Variants in MYO16 observed in about 807,000 individuals in gnomAD.
The protein encoded by MYO16 is unconventional myosin-XVI.
Under a neutral mutation model 205.3 loss-of-function variants are expected in MYO16, and 94 were observed. The observed-to-expected ratio is 0.46, with a 90% confidence interval of 0.39 to 0.54. The LOEUF (loss-of-function observed/expected upper bound fraction) is 0.54. Among genes scored for constraint, MYO16 ranks in the 20% least tolerant of loss-of-function variants. MYO16 has a pLI of 0.00. For synonymous variants in MYO16, 988 were observed against 954.0 expected (o/e 1.04, Z -0.66); for missense variants, 2,315 against 2,387.5 (o/e 0.97, Z 0.63).
At chr13:108,859,551 T>C (rs183121461) in intron 11 of MYO16, among the ~76,000 whole-genome samples, 1 of 152,286 alleles carries the variant, frequency 6.6e-6, no homozygotes, top group African/African-American at 2.4e-5. Context: ...TATAACCTTC[T>C]ATTTGGACGT....
chr13:109,187,595 T>G (rs1879738211), intron 34 of MYO16, among the ~76,000 whole-genome samples: 1 of 152,214 alleles, frequency 6.6e-6, no homozygotes, highest in Non-Finnish European at 1.5e-5. Flanking sequence ...GTTCAAAATA[T>G]TTTCTAATTT....
At chr13:108,499,480 G>A in the MYO16 span, among the ~76,000 whole-genome samples, 96 of 152,278 alleles carry the variant, frequency 6.3e-4, 3 homozygotes, top group South Asian at 0.019. Flanking sequence ...AGAACACAGT[G>A]GATGGTCTTT....
At position 109,055,242 on chromosome 13, in the gene MYO16, A is replaced by AAC. The variant is rs1887375876; in HGVS notation, c.3129+118_3129+119dup. ...CTTAAATATCTTCACAAAAAAAGTA[A>AAC]ACATACACACACACACACACACACA... On this transcript the variant is annotated intron_variant, in intron 26 of 34. Coordinates refer to ENST00000457511, the MANE Select transcript of MYO16 (RefSeq NM_001198950.3). This position sits in a 1 kb window ranked among gnomAD's most constrained non-coding sequence, Gnocchi z 5.0. The AAC allele has an allele frequency of 2.3e-6, 2 of 859,462 alleles. No homozygotes were observed. The highest frequency in any genetic ancestry group is 2.6e-5 in the African/African-American group (1 of 39,022). 53.2% of individuals were successfully genotyped at this position (859,462 alleles called of 1,614,324 possible). A position where few individuals can be genotyped will look rare whatever the true frequency, so the allele number is the denominator to read the frequency against.
chr13:108,844,731 T>TAA (rs1394931532), intron 10 of MYO16, among the ~76,000 whole-genome samples: 1 of 152,192 alleles, frequency 6.6e-6, no homozygotes, highest in Non-Finnish European at 1.5e-5. Flanking sequence ...ACCAGGAATA[T>TAA]AAGCTCAGCC....
At chr13:108,722,314 G>A (rs1419062919) in intron 3 of MYO16, among the ~76,000 whole-genome samples, 2 of 152,114 alleles carry the variant, frequency 1.3e-5, no homozygotes, top group East Asian at 3.9e-4. Context: ...ATATTTCCTG[G>A]CTTGAAGAAA....
chr13:108,941,489 C>G (rs973990825), intron 16 of MYO16, among the ~76,000 whole-genome samples: 1 of 151,868 alleles, frequency 6.6e-6, no homozygotes, highest in Non-Finnish European at 1.5e-5. Flanking sequence ...CCAGCCTGGC[C>G]AACATGGTGA....
intron 14 of MYO16, among the ~76,000 whole-genome samples, chr13:108,897,610 A>C (rs1206890388): frequency 2.0e-5 from 3 of 152,268 alleles, no homozygotes; most frequent in Non-Finnish European, 1.5e-5. Context: ...GTATTATTGT[A>C]AAATGAATTC....
intron 33 of MYO16, among the ~76,000 whole-genome samples, chr13:109,171,820 T>G (rs1878933102): frequency 6.6e-6 from 1 of 152,248 alleles, no homozygotes. Context: ...TGGCTGGGTA[T>G]CAGGAAAAAT....
In MYO16 at chr13:108,896,759, A is replaced by G. The variant is rs543787558; in HGVS notation, c.1660-1257A>G. 7.2e-4 allele frequency among the ~76,000 whole-genome samples: 110 copies of G among 152,266 alleles called. 1 individual carries two copies. In the Middle Eastern group the frequency reaches 0.014, roughly 19 times the overall value. ...CGAGGTGGGCGGATCACCTGAGGTCAGGAGTTTGAGACCAGCCTGGCCAAC... is the reference window on the plus strand; with the variant it reads ...CGAGGTGGGCGGATCACCTGAGGTCGGGAGTTTGAGACCAGCCTGGCCAAC... On this transcript the variant is annotated intron_variant, in intron 14 of 34. Coordinates refer to ENST00000457511, the MANE Select transcript of MYO16 (RefSeq NM_001198950.3).
chr13:108,591,110 C>T, the MYO16 span, among the ~76,000 whole-genome samples: 4 of 152,122 alleles, frequency 2.6e-5, no homozygotes, highest in South Asian at 8.3e-4. Flanking sequence ...GGTCCCCAGC[C>T]TTGCATCCTT....
intron 5 of MYO16, 36 bp downstream of exon 5, chr13:108,785,779 G>C: frequency 7.5e-7 from 1 of 1,329,760 alleles, no homozygotes; most frequent in South Asian, 1.3e-5. Flanking sequence ...GAAAAAAATA[G>C]ATTGGGAGAA....
intron 2 of MYO16, among the ~76,000 whole-genome samples, chr13:108,698,601 G>T (rs1883179465): frequency 6.6e-6 from 1 of 152,130 alleles, no homozygotes; most frequent in Non-Finnish European, 1.5e-5. Context: ...CTGCAGGGTG[G>T]GGTGTGACCT....
chr13:108,629,574 G>A, upstream of MYO16: 1 of 405,216 alleles, frequency 2.5e-6, no homozygotes, highest in Non-Finnish European at 4.5e-6. Context: ...GTGGTACTCG[G>A]GGCTGTGTCA....
chr13:109,026,071 T>C (rs1002475418), intron 23 of MYO16, among the ~76,000 whole-genome samples: 1 of 152,214 alleles, frequency 6.6e-6, no homozygotes, highest in African/African-American at 2.4e-5. Flanking sequence ...AGGCAACAAA[T>C]TGGTGATGTG....
chr13:109,119,930 A>G (rs1375244103), intron 28 of MYO16, among the ~76,000 whole-genome samples: 2 of 152,202 alleles, frequency 1.3e-5, no homozygotes, highest in Non-Finnish European at 2.9e-5. Flanking sequence ...AAGCAAAACA[A>G]TTTTATGCAT....
intron 20 of MYO16, among the ~76,000 whole-genome samples, chr13:108,979,998 A>G (rs1018472635): frequency 2.0e-5 from 3 of 152,160 alleles, no homozygotes; most frequent in Admixed American, 6.5e-5. Context: ...TGCTTCAACA[A>G]TAGTGTAGCT....
chr13:108,972,361 T>A lies in MYO16; in HGVS notation c.2369+7459T>A, dbSNP rs1221715307. Among the ~76,000 whole-genome samples the A allele has an allele frequency of 1.9e-4, 6 of 31,408 alleles. 2 individuals carry two copies. In the East Asian group the frequency reaches 3.6e-3, roughly 19 times the overall value. The allele number at this position is 31,408 out of a possible 152,430, so 20.6% of individuals were successfully genotyped here. ...ATATATATATATAGCCATATATATA[T>A]ATATATATATATATATATATATATA... On this transcript the variant is annotated intron_variant, in intron 20 of 34. Coordinates refer to ENST00000457511, the MANE Select transcript of MYO16 (RefSeq NM_001198950.3).
At chr13:108,667,172 T>A (rs1444672530) in intron 2 of MYO16, among the ~76,000 whole-genome samples, 1 of 152,174 alleles carries the variant, frequency 6.6e-6, no homozygotes, top group Non-Finnish European at 1.5e-5. Flanking sequence ...GGCTTTCAAA[T>A]GGGGATTGTG....
chr13:108,691,912 C>G (rs1452280935), intron 2 of MYO16, among the ~76,000 whole-genome samples: 8 of 152,106 alleles, frequency 5.3e-5, no homozygotes, highest in Admixed American at 5.2e-4. Flanking sequence ...AAACAATTCT[C>G]TATATGGGGC....
Sources: allele counts gnomAD v4.1 joint callset (sites outside exome capture counted in the v4.1 genomes callset), GRCh38; gene constraint gnomAD v4.1.1; non-coding constraint Gnocchi (gnomAD v3.1); transcripts MANE v1.5; gene names NCBI Gene and HGNC (gene_info 2026-07-23, HGNC 2026-07-21).